The following CCNC variants were observed in gnomAD, a reference collection of about 807,000 sequenced individuals.
CCNC encodes cyclin-C.
CCNC carries 19 observed loss-of-function variants against 50.0 expected under a neutral mutation model. That is an observed-to-expected ratio of 0.38 (90% CI 0.27 to 0.56). CCNC has a LOEUF of 0.56. Ranked by LOEUF, CCNC falls within the 20% of genes least tolerant of loss-of-function variation. The probability of loss-of-function intolerance (pLI) is 0.72; values close to 1 mark genes in which losing one functional copy is unlikely to be tolerated. For synonymous variants in CCNC, 93 were observed against 103.7 expected (o/e 0.90, Z 0.63); for missense variants, 200 against 327.1 (o/e 0.61, Z 3.00).
intron 5 of CCNC, among the ~76,000 whole-genome samples, chr6:99,553,107 A>C (rs771553296): frequency 2.6e-5 from 4 of 152,170 alleles, no homozygotes; most frequent in Non-Finnish European, 4.4e-5. Context: ...TTGTTTTGCA[A>C]ATTCAGTGCC....
Position 99,558,537 on chromosome 6 carries a change from T to C in CCNC, c.306A>G (p.Val102=), listed in dbSNP as rs1802641249. The C allele has an allele frequency of 3.7e-6, 6 of 1,600,752 alleles. No homozygotes were observed. The highest frequency in any genetic ancestry group is 5.1e-6 in the Non-Finnish European group (6 of 1,176,166). The change falls in exon 5 of 12, where the codon GTA becomes GTG. Residue 102 remains valine, a synonymous_variant. Transcript: ENST00000520429. ...CAGCAATCAATCTTGTATTTGAAAC[T>C]ACTCCAAATTCCTAAAGAAAGAAAA... ...FLASKVEEFG[V]VSNTRLIAAA...
At chr6:99,547,433 G>A (rs1482933296) in intron 9 of CCNC, among the ~76,000 whole-genome samples, 3 of 152,044 alleles carry the variant, frequency 2.0e-5, no homozygotes, top group Non-Finnish European at 4.4e-5. Flanking sequence ...CTGAGGTGAT[G>A]CTGAAAGGGT....
chr6:99,553,240 T>C (rs1425810854), intron 5 of CCNC, among the ~76,000 whole-genome samples: 1 of 152,190 alleles, frequency 6.6e-6, no homozygotes. Flanking sequence ...AAGACGTACC[T>C]ATTAAGGTTT....
Position 99,558,291 on chromosome 6 carries a change from T to G in CCNC, c.346+206A>C, listed in dbSNP as rs183311680. ...TGATAATTACTATCCATTTTAACAT[T>G]AAAAGTAATATCTTTATATCTTTTT... On this transcript the variant is annotated intron_variant, in intron 5 of 11. Transcript: ENST00000520429. 287 of 607,932 alleles carry G rather than the reference T, an allele frequency of 4.7e-4. No homozygotes were observed. The African/African-American group carries it at 5.1e-3, about 11-fold the overall frequency. 37.7% of individuals were successfully genotyped at this position (607,932 alleles called of 1,614,324 possible).
chr6:99,563,629 T>C (rs1355847592), intron 1 of CCNC, among the ~76,000 whole-genome samples: 1 of 152,192 alleles, frequency 6.6e-6, no homozygotes, highest in Non-Finnish European at 1.5e-5. Flanking sequence ...AGCCAATCTC[T>C]ACTGATGGAA....
At chr6:99,550,129 T>C in intron 8 of CCNC, 89 bp downstream of exon 8, 1 of 898,886 alleles carries the variant, frequency 1.1e-6, no homozygotes, top group East Asian at 2.6e-5. Flanking sequence ...AATAGTTTAA[T>C]GACTTTAAAA....
At chr6:99,568,458 A>G in intron 1 of CCNC, 38 bp downstream of exon 1, 1 of 1,604,632 alleles carries the variant, frequency 6.2e-7, no homozygotes, top group Non-Finnish European at 8.5e-7. Flanking sequence ...AGCTCCCCCA[A>G]AAACCGGCCC....
intron 9 of CCNC, among the ~76,000 whole-genome samples, chr6:99,548,639 A>AC (rs1802165708): frequency 6.6e-6 from 1 of 152,050 alleles, no homozygotes; most frequent in Non-Finnish European, 1.5e-5. Context: ...ACATGGCGAA[A>AC]CCCTGTCTCT....
At chr6:99,552,799 T>G (rs987364815) in intron 5 of CCNC, among the ~76,000 whole-genome samples, 1 of 152,118 alleles carries the variant, frequency 6.6e-6, no homozygotes, top group East Asian at 1.9e-4. Context: ...TCCCAGCACT[T>G]TGGGAGGCCA....
chr6:99,543,440 A>G lies in CCNC; in HGVS notation c.*115T>C. 2 of 1,121,402 alleles carry G rather than the reference A, an allele frequency of 1.8e-6. No homozygotes were observed. The highest frequency in any genetic ancestry group is 1.5e-5 in the South Asian group (1 of 68,926). 69.5% of individuals were successfully genotyped at this position (1,121,402 alleles called of 1,614,324 possible). ...TTTGCAAAAATAAAATCACTTTCCAATATGCTTGACAGAAACAAGCTATTC... is the reference window on the plus strand; with the variant it reads ...TTTGCAAAAATAAAATCACTTTCCAGTATGCTTGACAGAAACAAGCTATTC... On this transcript the variant is annotated 3_prime_UTR_variant, in exon 12 of 12. Transcript: ENST00000520429.
At position 99,558,492 on chromosome 6, in the gene CCNC, C is replaced by T; in HGVS notation, c.346+5G>A. On this transcript the variant is annotated splice_donor_5th_base_variant and intron_variant, in intron 5 of 11. Coordinates refer to ENST00000520429, the MANE Select transcript of CCNC (RefSeq NM_005190.4). ...CCTTAAAGCAGATATACTTTTTGCACTTACATACAGAAGTAGCAGCAGCAA... is the reference window on the plus strand; with the variant it reads ...CCTTAAAGCAGATATACTTTTTGCATTTACATACAGAAGTAGCAGCAGCAA... 1.2e-6 allele frequency: 2 copies of T among 1,610,608 alleles called. No homozygotes were observed. The highest frequency in any genetic ancestry group is 1.7e-6 in the Non-Finnish European group (2 of 1,178,680).
intron 9 of CCNC, among the ~76,000 whole-genome samples, chr6:99,548,182 G>C (rs1802147273): frequency 6.6e-6 from 1 of 152,066 alleles, no homozygotes; most frequent in Non-Finnish European, 1.5e-5. Flanking sequence ...AAATGTTTCG[G>C]CATGTAAGTG....
intron 11 of CCNC, chr6:99,543,962 C>G (rs1014465577): frequency 8.2e-7 from 1 of 1,215,714 alleles, no homozygotes; most frequent in African/African-American, 1.6e-5. Context: ...AAAATTAAAT[C>G]TTACATATAA....
intron 5 of CCNC, among the ~76,000 whole-genome samples, chr6:99,555,483 GC>G (rs1254595286): frequency 2.6e-5 from 4 of 151,756 alleles, no homozygotes; most frequent in Non-Finnish European, 5.9e-5. Flanking sequence ...CATTGCCCAG[GC>G]TGGAGTGCAG....
rs1257397839 is a variant in CCNC at position 99,545,139 on chromosome 6, A to G, written c.770T>C (p.Met257Thr). The G allele has an allele frequency of 6.2e-7, 1 of 1,607,754 alleles. No individual in the cohort carries two copies. Among genetic ancestry groups the G allele is most frequent in the African/African-American group, 1.3e-5 (1 of 74,800 alleles). ...GTTTGGAGGTGGTTTTGGTTTTGGC[A>G]TCTTACTAAGAATGGTTGCCATCTC... ...RKEMATILSK[M>T]PKPKPPPNSE... The change falls in exon 11 of 12, where the codon ATG becomes ACG. Residue 257 changes from methionine (M) to threonine (T), a missense_variant. Physicochemically the swap from Met to Thr is moderately conservative, Grantham distance 81. Transcript: ENST00000520429.
intron 6 of CCNC, among the ~76,000 whole-genome samples, chr6:99,551,610 A>C (rs966595019): frequency 1.3e-5 from 2 of 152,162 alleles, no homozygotes; most frequent in East Asian, 3.9e-4. Flanking sequence ...CATCAGTATT[A>C]TTTACAAGTT....
chr6:99,546,892 T>G (rs890088188), intron 9 of CCNC, among the ~76,000 whole-genome samples: 1 of 152,242 alleles, frequency 6.6e-6, no homozygotes, highest in Non-Finnish European at 1.5e-5. Context: ...TTGACTGTGT[T>G]TCCACATTTC....
intron 11 of CCNC, chr6:99,544,036 CTG>C (rs1801976728): frequency 1.2e-5 from 14 of 1,149,052 alleles, no homozygotes; most frequent in Non-Finnish European, 1.5e-5. Context: ...AAAACCAAAA[CTG>C]TTGTCCAAAG....
At chr6:99,558,420 A>T (rs1216058881) in intron 5 of CCNC, 77 bp downstream of exon 5, 6 of 343,664 alleles carry the variant, frequency 1.7e-5, no homozygotes, top group Non-Finnish European at 2.7e-5. Context: ...CTCATAAACT[A>T]AAAAAAAAAA....
Sources: gnomAD v4.1 joint callset for allele counts (sites outside exome capture counted in the v4.1 genomes callset) on GRCh38, gnomAD v4.1.1 for gene constraint, MANE v1.5 for transcripts, NCBI Gene and HGNC (gene_info 2026-07-23, HGNC 2026-07-21) for gene names.